The following TSKU variants were observed in gnomAD, a reference collection of about 807,000 sequenced individuals.
The protein encoded by TSKU is tsukushi, small leucine rich proteoglycan, also known as tsukushi.
Under a neutral mutation model 11.2 loss-of-function variants are expected in TSKU, and 4 were observed. The ratio of observed to expected loss-of-function variants is 0.36; its 90% confidence interval spans 0.18 to 0.82. The LOEUF is 0.82. TSKU is among the 40% of genes least tolerant of loss of function. The pLI is 0.50. For missense variants in TSKU, 407 were observed against 482.5 expected, an observed-to-expected ratio of 0.84 and a Z score of 1.47; for synonymous variants, 220 against 232.2, an observed-to-expected ratio of 0.95 and a Z score of 0.48.
intron 1 of TSKU, among the ~76,000 whole-genome samples, chr11:76,784,891 G>A (rs913189317): frequency 6.6e-6 from 1 of 152,142 alleles, no homozygotes; most frequent in Non-Finnish European, 1.5e-5. Flanking sequence ...ATGATGGAAG[G>A]GCACAGGCCG....
At chr11:76,793,482 C>A (rs1301337928) in intron 1 of TSKU, among the ~76,000 whole-genome samples, 1 of 152,168 alleles carries the variant, frequency 6.6e-6, no homozygotes, top group South Asian at 2.1e-4. Context: ...TCATATGAGG[C>A]CATTTGGCAT....
chr11:76,787,735 G>A (rs556749003), intron 1 of TSKU, among the ~76,000 whole-genome samples: 1 of 151,814 alleles, frequency 6.6e-6, no homozygotes. Flanking sequence ...CCTGCCCACA[G>A]TAGGATAGAC....
chr11:76,785,325 C>T (rs1193454021), intron 1 of TSKU, among the ~76,000 whole-genome samples: 1 of 152,224 alleles, frequency 6.6e-6, no homozygotes, highest in East Asian at 1.9e-4. Flanking sequence ...GTTCATGCTT[C>T]AGTTTTCAGA....
chr11:76,788,300 T>TG (rs956157561), intron 1 of TSKU, among the ~76,000 whole-genome samples: 2 of 150,896 alleles, frequency 1.3e-5, no homozygotes, highest in Non-Finnish European at 3.0e-5. Flanking sequence ...TCGAGGGCGG[T>TG]GGGGGGAGCT....
chr11:76,793,382 G>T lies in TSKU; in HGVS notation c.-8-2227G>T, dbSNP rs1019242058. ...GCCACCCTGTAGTGCAGAGGACAAG[G>T]CTGAGGCTTAAAGAGGGGCAGCGAG... is the stretch of plus-strand genomic sequence containing the variant. On this transcript the variant is annotated intron_variant, in intron 1 of 1. Coordinates refer to ENST00000333090, the MANE Select transcript of TSKU (RefSeq NM_015516.4). Among the ~76,000 whole-genome samples the T allele has an allele frequency of 2.0e-5, 3 of 152,252 alleles. No homozygotes were observed. In the East Asian group the frequency reaches 5.8e-4, roughly 29 times the overall value.
intron 1 of TSKU, among the ~76,000 whole-genome samples, chr11:76,789,148 C>G (rs549681034): frequency 9.8e-5 from 15 of 152,334 alleles, no homozygotes; most frequent in Non-Finnish European, 1.5e-4. Context: ...AGGGGCCTTC[C>G]AGCTCCCAAG....
intron 1 of TSKU, among the ~76,000 whole-genome samples, chr11:76,788,960 C>T (rs889053536): frequency 2.0e-5 from 3 of 152,164 alleles, no homozygotes; most frequent in Non-Finnish European, 1.5e-5. Flanking sequence ...AGGGGTGGCC[C>T]GAGGGCCTGA....
chr11:76,791,324 G>A (rs981327867), intron 1 of TSKU, among the ~76,000 whole-genome samples: 10 of 152,200 alleles, frequency 6.6e-5, no homozygotes, highest in Admixed American at 2.6e-4. Flanking sequence ...CATTTAAGCC[G>A]GCTGCAGAAA....
chr11:76,784,935 C>T (rs1420878481), intron 1 of TSKU, among the ~76,000 whole-genome samples: 2 of 152,234 alleles, frequency 1.3e-5, no homozygotes, highest in African/African-American at 2.4e-5. Flanking sequence ...TGGGCATTTT[C>T]CTTTCCCTCT....
At chr11:76,786,091 C>T (rs1944309715) in intron 1 of TSKU, among the ~76,000 whole-genome samples, 2 of 152,250 alleles carry the variant, frequency 1.3e-5, no homozygotes. Context: ...TAAACCTGAT[C>T]TCACCAGCGG....
chr11:76,782,976 C>CACACAT (rs1247245793), upstream of TSKU: 2 of 152,390 alleles, frequency 1.3e-5, no homozygotes, highest in Non-Finnish European at 2.9e-5. Context: ...CAGTCATACA[C>CACACAT]ACACATACAC....
At chr11:76,788,260 C>A (rs910010822) in intron 1 of TSKU, among the ~76,000 whole-genome samples, 2 of 151,732 alleles carry the variant, frequency 1.3e-5, no homozygotes, top group Non-Finnish European at 2.9e-5. Context: ...ACCAGTGGGG[C>A]CCTGTGCCAA....
intron 1 of TSKU, among the ~76,000 whole-genome samples, chr11:76,785,368 T>G (rs1343207831): frequency 1.3e-5 from 2 of 152,134 alleles, no homozygotes; most frequent in South Asian, 2.1e-4. Context: ...GGACACTTCC[T>G]AAAGAGGGTT....
intron 1 of TSKU, among the ~76,000 whole-genome samples, chr11:76,789,124 G>A (rs952308633): frequency 1.3e-5 from 2 of 152,222 alleles, no homozygotes; most frequent in African/African-American, 2.4e-5. Context: ...GGCCCCAGTT[G>A]CCCATGATCC....
chr11:76,786,658 G>A (rs746775584), intron 1 of TSKU, among the ~76,000 whole-genome samples: 1 of 152,160 alleles, frequency 6.6e-6, no homozygotes, highest in Non-Finnish European at 1.5e-5. Context: ...GACAGGGGGA[G>A]GTGACTGCCC....
At position 76,795,823 on chromosome 11, in the gene TSKU, G is replaced by C; in HGVS notation, c.207G>C (p.Arg69=). Residue 69 remains arginine (R), a synonymous_variant, in exon 2 of 2, where the codon CGG becomes CGC. Transcript: ENST00000333090. ...DTAHLDLSSN[R]LEMVNESVLA... ...CCCACTTGGACCTGTCCTCCAACCGGCTGGAGATGGTGAATGAGTCGGTGT... is the reference window on the plus strand; with the variant it reads ...CCCACTTGGACCTGTCCTCCAACCGCCTGGAGATGGTGAATGAGTCGGTGT... 1.2e-6 allele frequency: 2 copies of C among 1,614,080 alleles called. No homozygotes were observed.
Position 76,795,661 on chromosome 11 carries a change from G to T in TSKU, c.45G>T (p.Gln15His). ...TGCTGCTGGCCGTGAGTGGGGCCCA[G>T]ACAACCCGGCCATGCTTCCCCGGGT... ...LLLLLAVSGA[Q>H]TTRPCFPGCQ... The change falls in exon 2 of 2, where the codon CAG becomes CAT. Residue 15 changes from glutamine (Q) to histidine (H), a missense_variant. By Grantham distance (24) the Gln-to-His change is conservative. Transcript: ENST00000333090. 6.2e-7 allele frequency: 1 copy of T among 1,613,652 alleles called. No individual in the cohort carries two copies. Among genetic ancestry groups the T allele is most frequent in the Non-Finnish European group, 8.5e-7 (1 of 1,179,988 alleles).
Position 76,795,980 on chromosome 11 carries a change from G to A in TSKU, c.364G>A (p.Ala122Thr), listed in dbSNP as rs142984672. ...TGACCTCAGCCACAATGGCCTGACAGCCCTGCCAGCCGAGAGCTTCACCAG... is the reference window on the plus strand; with the variant it reads ...TGACCTCAGCCACAATGGCCTGACAACCCTGCCAGCCGAGAGCTTCACCAG... Reference protein sequence around the residue: ...SLDLSHNGLTALPAESFTSSP... With the variant: ...SLDLSHNGLTTLPAESFTSSP... The change falls in exon 2 of 2, where the codon GCC becomes ACC. Residue 122 changes from alanine to threonine, a missense_variant. Physicochemically the swap from Ala to Thr is moderately conservative, Grantham distance 58. Coordinates refer to ENST00000333090, the MANE Select transcript of TSKU (RefSeq NM_015516.4). 2.1e-4 allele frequency: 335 copies of A among 1,613,774 alleles called. 1 individual carries two copies. Among genetic ancestry groups the A allele is most frequent in the Non-Finnish European group, 2.8e-4 (326 of 1,180,034 alleles).
intron 1 of TSKU, among the ~76,000 whole-genome samples, chr11:76,793,351 G>A (rs571178424): frequency 6.6e-6 from 1 of 152,368 alleles, no homozygotes; most frequent in East Asian, 1.9e-4. Context: ...GGGCAGGGCA[G>A]AAATTGCCAC....
Sources: gnomAD v4.1 joint callset for allele counts (sites outside exome capture counted in the v4.1 genomes callset) on GRCh38, gnomAD v4.1.1 for gene constraint, MANE v1.5 for transcripts, NCBI Gene and HGNC (gene_info 2026-07-23, HGNC 2026-07-21) for gene names.